FRMD3: variants seen among roughly 807,000 people sequenced by gnomAD.
FRMD3 encodes the protein FERM domain-containing protein 3.
Under a neutral mutation model 70.2 loss-of-function variants are expected in FRMD3, and 33 were observed. The observed-to-expected ratio is 0.47, with a 90% CI of 0.36 to 0.63. The LOEUF is 0.63. Among genes scored for constraint, FRMD3 ranks in the 20% least tolerant of loss-of-function variants. The probability of loss-of-function intolerance (pLI) is 0.00; values close to 1 mark genes in which losing one functional copy is unlikely to be tolerated. For missense variants in FRMD3, 632 were observed against 711.4 expected (o/e 0.89, Z 1.27); for synonymous variants, 279 against 255.9 (o/e 1.09, Z -0.86).
chr9:83,280,373 A>T (rs1464310111), intron 13 of FRMD3, among the ~76,000 whole-genome samples: 3 of 152,242 alleles, frequency 2.0e-5, no homozygotes, highest in Non-Finnish European at 4.4e-5. Flanking sequence ...AGGGGTCACC[A>T]TACGATGCTT....
At chr9:83,539,329 T>TC (rs1209584375), upstream of FRMD3, among the ~76,000 whole-genome samples, 1 of 152,226 alleles carries the variant, frequency 6.6e-6, no homozygotes, top group East Asian at 1.9e-4. Flanking sequence ...AGCCACTGTG[T>TC]CAGGTACCGT....
chr9:83,364,427 G>A (rs990392961), intron 3 of FRMD3, among the ~76,000 whole-genome samples: 1 of 151,984 alleles, frequency 6.6e-6, no homozygotes, highest in Non-Finnish European at 1.5e-5. Context: ...CACAGTACAC[G>A]CGCCTGTAGT....
intron 1 of FRMD3, among the ~76,000 whole-genome samples, chr9:83,457,692 G>A (rs1827856486): frequency 6.6e-6 from 1 of 152,122 alleles, no homozygotes; most frequent in Non-Finnish European, 1.5e-5. Context: ...TTTTTTCTGA[G>A]TATTTTTTAT....
chr9:83,270,888 T>C (rs1833524218), intron 13 of FRMD3, among the ~76,000 whole-genome samples: 1 of 151,462 alleles, frequency 6.6e-6, no homozygotes, highest in African/African-American at 2.4e-5. Flanking sequence ...AGAGGAAGAC[T>C]GTGAGGATTT....
chr9:83,533,830 C>A (rs911342271), intron 1 of FRMD3, among the ~76,000 whole-genome samples: 4 of 151,748 alleles, frequency 2.6e-5, no homozygotes, highest in African/African-American at 9.7e-5. Context: ...GATTTTTAGT[C>A]AAATACAAAT....
intron 13 of FRMD3, among the ~76,000 whole-genome samples, chr9:83,289,309 A>AT (rs34778471): frequency 0.12 from 18,198 of 152,252 alleles, 1,335 homozygotes; most frequent in East Asian, 0.17. Flanking sequence ...GTTAAGATAG[A>AT]TAACAAAAGC....
chr9:83,452,458 A>T (rs778485186), intron 1 of FRMD3, among the ~76,000 whole-genome samples: 3 of 132,662 alleles, frequency 2.3e-5, no homozygotes, highest in African/African-American at 5.5e-5. Flanking sequence ...CCCCGTATGA[A>T]CTAATGCTTG....
chr9:83,348,273 C>T (rs1361952100), intron 4 of FRMD3, among the ~76,000 whole-genome samples: 1 of 152,058 alleles, frequency 6.6e-6, no homozygotes, highest in African/African-American at 2.4e-5. Flanking sequence ...TTTTTGGCAG[C>T]TAATTCAGTC....
intron 3 of FRMD3, among the ~76,000 whole-genome samples, chr9:83,363,953 T>C (rs187949435): frequency 8.5e-5 from 13 of 152,338 alleles, no homozygotes; most frequent in Admixed American, 3.3e-4. Flanking sequence ...ATCCTCATCC[T>C]CATCACCTGG....
intron 1 of FRMD3, among the ~76,000 whole-genome samples, chr9:83,475,379 A>C (rs1361224903): frequency 1.3e-5 from 2 of 152,178 alleles, no homozygotes; most frequent in African/African-American, 4.8e-5. Context: ...GGTTACAGCA[A>C]AAAGACCCAG....
chr9:83,425,371 G>A lies in FRMD3; in HGVS notation c.148-35663C>T, dbSNP rs543938603. 2.0e-5 allele frequency among the ~76,000 whole-genome samples: 3 copies of A among 152,260 alleles called. No individual in the cohort carries two copies. In the South Asian group the frequency reaches 6.2e-4, roughly 32 times the overall value. On this transcript the variant is annotated intron_variant, in intron 1 of 13. Transcript: ENST00000304195. ...GCATGTTCTCACAACCAAGCAACCT[G>A]GCTGAAAAGTGAGTCATGAGGTTGT... is the stretch of plus-strand genomic sequence containing the variant.
At chr9:83,338,237 T>C (rs1430876432) in intron 5 of FRMD3, among the ~76,000 whole-genome samples, 1 of 152,130 alleles carries the variant, frequency 6.6e-6, no homozygotes, top group Non-Finnish European at 1.5e-5. Flanking sequence ...GCAATAAAAC[T>C]AGGAAGTTGG....
chr9:83,307,337 C>T (rs1835172006), intron 10 of FRMD3, among the ~76,000 whole-genome samples: 1 of 152,190 alleles, frequency 6.6e-6, no homozygotes, highest in African/African-American at 2.4e-5. Context: ...CCCAAGAGAA[C>T]TGTCCACACA....
chr9:83,337,174 G>T (rs1247729487), intron 5 of FRMD3, among the ~76,000 whole-genome samples: 1 of 152,000 alleles, frequency 6.6e-6, no homozygotes, highest in African/African-American at 2.4e-5. Flanking sequence ...ACGTATACTT[G>T]GCCACCCCAT....
intron 1 of FRMD3, among the ~76,000 whole-genome samples, chr9:83,498,536 A>T (rs1042745241): frequency 6.6e-6 from 1 of 152,210 alleles, no homozygotes; most frequent in East Asian, 1.9e-4. Context: ...ACCTGGGGCT[A>T]TCAAAATTAA....
intron 1 of FRMD3, among the ~76,000 whole-genome samples, chr9:83,520,294 C>T (rs1341180436): frequency 1.3e-5 from 2 of 152,160 alleles, no homozygotes; most frequent in Non-Finnish European, 1.5e-5. Flanking sequence ...TTCCAACTTT[C>T]TAAGTTCTCT....
intron 6 of FRMD3, among the ~76,000 whole-genome samples, chr9:83,318,481 A>ATGTGTG (rs36015788): frequency 2.0e-5 from 3 of 150,826 alleles, no homozygotes; most frequent in African/African-American, 7.3e-5. Context: ...TATATATAAT[A>ATGTGTG]TGTGTGTGTG....
intron 4 of FRMD3, 127 bp from the exon 5 acceptor site, chr9:83,343,414 C>T: frequency 1.5e-6 from 1 of 646,086 alleles, no homozygotes; most frequent in Non-Finnish European, 2.8e-6. Flanking sequence ...CTTAGACATG[C>T]CCAGCCCTTT....
intron 13 of FRMD3, among the ~76,000 whole-genome samples, chr9:83,287,632 C>G (rs1053867129): frequency 1.3e-5 from 2 of 152,232 alleles, no homozygotes; most frequent in African/African-American, 2.4e-5. Flanking sequence ...AAACCACACT[C>G]ACACCTCATG....
Sources: allele counts gnomAD v4.1 joint callset (sites outside exome capture counted in the v4.1 genomes callset), GRCh38; gene constraint gnomAD v4.1.1; transcripts MANE v1.5; gene names NCBI Gene and HGNC (gene_info 2026-07-23, HGNC 2026-07-21).